The following C9orf85 variants were observed in gnomAD, a reference collection of about 807,000 sequenced individuals.
C9orf85 encodes the protein chromosome 9 open reading frame 85, also known as uncharacterized protein C9orf85.
C9orf85 carries 16 observed loss-of-function variants against 14.9 expected under a neutral mutation model. The observed-to-expected ratio is 1.08, with a 90% CI of 0.73 to 1.63. The LOEUF is 1.63. C9orf85 is among the 40% of genes most tolerant of loss of function. The pLI is 0.00. For synonymous variants in C9orf85, 45 were observed against 56.8 expected, an observed-to-expected ratio of 0.79 and a Z score of 0.93; for missense variants, 172 against 186.1, an observed-to-expected ratio of 0.92 and a Z score of 0.44.
intron 2 of C9orf85, among the ~76,000 whole-genome samples, chr9:71,967,583 A>AT (rs1019527210): frequency 1.3e-5 from 2 of 152,238 alleles, no homozygotes; most frequent in African/African-American, 4.8e-5. Flanking sequence ...ATATATTGTG[A>AT]TTTTATTAAA....
At chr9:71,931,402 A>T (rs1277565504) in intron 1 of C9orf85, among the ~76,000 whole-genome samples, 7 of 152,148 alleles carry the variant, frequency 4.6e-5, no homozygotes, top group Non-Finnish European at 1.0e-4. Flanking sequence ...TTTAGTCTGT[A>T]AACACTGTAT....
At chr9:71,937,495 A>C (rs1043077648) in intron 1 of C9orf85, among the ~76,000 whole-genome samples, 1 of 152,194 alleles carries the variant, frequency 6.6e-6, no homozygotes, top group African/African-American at 2.4e-5. Context: ...ATTTTTGTAG[A>C]TGTCATTTGT....
intron 3 of C9orf85, among the ~76,000 whole-genome samples, chr9:71,981,161 G>T (rs932358233): frequency 1.3e-5 from 2 of 152,174 alleles, no homozygotes; most frequent in South Asian, 2.1e-4. Flanking sequence ...GTAGCTGTGT[G>T]GTTACACAAG....
chr9:71,928,804 A>T (rs943612823), intron 1 of C9orf85, among the ~76,000 whole-genome samples: 3 of 152,210 alleles, frequency 2.0e-5, no homozygotes, highest in Non-Finnish European at 2.9e-5. Context: ...AAAAGGTAGT[A>T]TTTTATTACA....
chr9:71,939,137 C>T (rs144283921), intron 1 of C9orf85, among the ~76,000 whole-genome samples: 77 of 151,466 alleles, frequency 5.1e-4, no homozygotes, highest in African/African-American at 1.7e-3. Context: ...TAAAATTGAT[C>T]TGTAGAGGTA....
chr9:71,922,283 C>T (rs1827829795), intron 1 of C9orf85, among the ~76,000 whole-genome samples: 1 of 152,062 alleles, frequency 6.6e-6, no homozygotes, highest in Non-Finnish European at 1.5e-5. Flanking sequence ...TTCATTATTA[C>T]TTTTCCCTAT....
chr9:71,978,249 A>G (rs555548535), downstream of C9orf85, among the ~76,000 whole-genome samples: 2 of 151,984 alleles, frequency 1.3e-5, no homozygotes, highest in Non-Finnish European at 2.9e-5. Flanking sequence ...AGCTGGGATT[A>G]CAGGTGCCCG....
chr9:71,917,846 A>G (rs770934020), intron 1 of C9orf85, among the ~76,000 whole-genome samples: 6 of 152,232 alleles, frequency 3.9e-5, no homozygotes, highest in Non-Finnish European at 8.8e-5. Flanking sequence ...TGACATTGAT[A>G]TAAATTTTAC....
At chr9:71,980,586 T>C (rs1823081936) in intron 3 of C9orf85, among the ~76,000 whole-genome samples, 1 of 152,212 alleles carries the variant, frequency 6.6e-6, no homozygotes, top group Non-Finnish European at 1.5e-5. Flanking sequence ...AACAGTGTAC[T>C]GTACTCGATA....
intron 2 of C9orf85, among the ~76,000 whole-genome samples, chr9:71,951,306 A>G (rs906681414): frequency 1.3e-5 from 2 of 152,230 alleles, no homozygotes; most frequent in African/African-American, 4.8e-5. Flanking sequence ...GCTATGAAAG[A>G]TGAGGGGATA....
At chr9:71,913,052 G>A (rs1337128671) in intron 1 of C9orf85, among the ~76,000 whole-genome samples, 1 of 152,074 alleles carries the variant, frequency 6.6e-6, no homozygotes, top group East Asian at 1.9e-4. Flanking sequence ...CTAGGTGTGC[G>A]GCTTGAGTGA....
At chr9:71,980,870 A>T (rs1823085191) in intron 3 of C9orf85, among the ~76,000 whole-genome samples, 1 of 152,196 alleles carries the variant, frequency 6.6e-6, no homozygotes, top group Non-Finnish European at 1.5e-5. Flanking sequence ...AGTGACAAAA[A>T]CAAGACTTAC....
At chr9:71,960,513 GTTA>G (rs1822485249) in intron 2 of C9orf85, among the ~76,000 whole-genome samples, 2 of 152,088 alleles carry the variant, frequency 1.3e-5, no homozygotes, top group South Asian at 4.1e-4. Flanking sequence ...TAAAAACTGG[GTTA>G]TTATTTTTGT....
intron 2 of C9orf85, among the ~76,000 whole-genome samples, chr9:71,969,144 A>G (rs890924572): frequency 5.9e-5 from 9 of 152,202 alleles, no homozygotes; most frequent in African/African-American, 1.2e-4. Context: ...ACATACTGAC[A>G]TACTGATTCT....
chr9:71,974,249 C>CTT (rs35308335), downstream of C9orf85, among the ~76,000 whole-genome samples: 161 of 139,690 alleles, frequency 1.2e-3, no homozygotes, highest in East Asian at 8.5e-3. Context: ...TTTTATTTTA[C>CTT]TTTTTTTTTT....
intron 2 of C9orf85, among the ~76,000 whole-genome samples, chr9:71,951,983 T>C (rs938887981): frequency 1.3e-5 from 2 of 152,194 alleles, no homozygotes; most frequent in Non-Finnish European, 2.9e-5. Context: ...TAGACATTTA[T>C]ATATTTTTCA....
At chr9:71,925,769 C>G (rs1442170175) in intron 1 of C9orf85, among the ~76,000 whole-genome samples, 5 of 152,114 alleles carry the variant, frequency 3.3e-5, no homozygotes, top group Admixed American at 2.6e-4. Flanking sequence ...GTAACATATA[C>G]ATTGAGCAGT....
chr9:71,978,025 A>G (rs1302843619), downstream of C9orf85, among the ~76,000 whole-genome samples: 2 of 152,246 alleles, frequency 1.3e-5, no homozygotes, highest in African/African-American at 2.4e-5. Context: ...AAACATTTCT[A>G]TAACCTCTAG....
intron 2 of C9orf85, among the ~76,000 whole-genome samples, chr9:71,970,793 A>G: frequency 6.6e-6 from 1 of 150,700 alleles, no homozygotes; most frequent in East Asian, 1.9e-4. Context: ...CAGTTTGGGG[A>G]GTATTGCTAT....
Sources: gnomAD v4.1 joint callset for allele counts (sites outside exome capture counted in the v4.1 genomes callset) on GRCh38, gnomAD v4.1.1 for gene constraint, MANE v1.5 for transcripts, NCBI Gene and HGNC (gene_info 2026-07-23, HGNC 2026-07-21) for gene names.